The following EIF4G3 variants were observed in gnomAD, a reference collection of about 807,000 sequenced individuals.
The protein encoded by EIF4G3 is eIF-4-gamma 3.
Under a neutral mutation model 186.4 loss-of-function variants are expected in EIF4G3, and 34 were observed. That is an observed-to-expected ratio of 0.18 (90% CI 0.14 to 0.24). The LOEUF is 0.24. Ranked by LOEUF, EIF4G3 falls within the 10% of genes least tolerant of loss-of-function variation. EIF4G3 has a pLI of 1.00. For missense variants in EIF4G3, 1,536 were observed against 1,948.5 expected (o/e 0.79, Z 3.99); for synonymous variants, 673 against 679.5 (o/e 0.99, Z 0.15).
At chr1:20,923,790 CTCT>C (rs1302072295) in intron 14 of EIF4G3, among the ~76,000 whole-genome samples, 1 of 144,480 alleles carries the variant, frequency 6.9e-6, no homozygotes, top group Non-Finnish European at 1.5e-5. Flanking sequence ...CCTCCCTCCT[CTCT>C]TCACCTTACC....
At chr1:20,938,279 G>A (rs2095584957) in intron 14 of EIF4G3, among the ~76,000 whole-genome samples, 1 of 152,190 alleles carries the variant, frequency 6.6e-6, no homozygotes, top group African/African-American at 2.4e-5. Flanking sequence ...ACAGGCATGA[G>A]CCACCGCGCC....
intron 11 of EIF4G3, among the ~76,000 whole-genome samples, chr1:20,971,682 A>C (rs534917339): frequency 2.7e-4 from 41 of 152,340 alleles, no homozygotes; most frequent in Admixed American, 6.5e-4. Flanking sequence ...ACTGTTGCCC[A>C]GGCTGGAGTG....
At chr1:20,905,842 A>G (rs552517134) in intron 14 of EIF4G3, among the ~76,000 whole-genome samples, 1 of 152,306 alleles carries the variant, frequency 6.6e-6, no homozygotes, top group East Asian at 1.9e-4. Flanking sequence ...TTAATAGGGA[A>G]CATTACCAAA....
chr1:21,113,822 C>T (rs933572853), intron 2 of EIF4G3, among the ~76,000 whole-genome samples: 1 of 152,134 alleles, frequency 6.6e-6, no homozygotes, highest in Non-Finnish European at 1.5e-5. Context: ...TGAGACTATC[C>T]TGAGCAACAT....
intron 29 of EIF4G3, among the ~76,000 whole-genome samples, chr1:20,846,396 C>G (rs978149518): frequency 2.0e-5 from 3 of 152,174 alleles, no homozygotes; most frequent in African/African-American, 4.8e-5. Context: ...TCATTATACT[C>G]ACAGTGTCAT....
chr1:21,076,130 C>A (rs1304428479), intron 3 of EIF4G3, among the ~76,000 whole-genome samples: 3 of 152,056 alleles, frequency 2.0e-5, no homozygotes. Flanking sequence ...GAAATAAAAT[C>A]ATACCAAGTA....
Position 21,151,236 on chromosome 1 carries a change from C to CTTTTTTTTTTT in EIF4G3, c.-272+24928_-272+24938dup, listed in dbSNP as rs71014161. On this transcript the variant is annotated intron_variant, in intron 2 of 36. Transcript: ENST00000602326. ...TTTAATGGTTATATAGTATTTCTTT[C>CTTTTTTTTTTT]TTTTTTTTTTTTTTTTTTTTGAGAT... 8.4e-3 allele frequency among the ~76,000 whole-genome samples: 672 copies of CTTTTTTTTTTT among 80,416 alleles called. 62 individuals are homozygous for CTTTTTTTTTTT. Among genetic ancestry groups the CTTTTTTTTTTT allele is most frequent in the East Asian group, 0.017 (39 of 2,242 alleles). 52.8% of individuals were successfully genotyped at this position (80,416 alleles called of 152,430 possible). A position where few individuals can be genotyped will look rare whatever the true frequency, so the allele number is the denominator to read the frequency against.
intron 4 of EIF4G3, among the ~76,000 whole-genome samples, chr1:21,006,475 GTA>G (rs2085119893): frequency 2.6e-5 from 4 of 152,146 alleles, no homozygotes; most frequent in African/African-American, 9.7e-5. Flanking sequence ...CTGCAATCCA[GTA>G]TACTGTCCAA....
intron 4 of EIF4G3, among the ~76,000 whole-genome samples, chr1:21,029,079 G>A (rs750801763): frequency 4.0e-5 from 6 of 151,838 alleles, no homozygotes; most frequent in Non-Finnish European, 5.9e-5. Context: ...GTACAGTGGC[G>A]TGATCCCGGC....
chr1:20,854,935 T>A, intron 26 of EIF4G3, 43 bp downstream of exon 26: 1 of 1,551,888 alleles, frequency 6.4e-7, no homozygotes, highest in Non-Finnish European at 8.9e-7. Context: ...AGGCAAATGC[T>A]AACAAGCCAC....
At chr1:21,052,772 G>T (rs1462635305) in intron 3 of EIF4G3, among the ~76,000 whole-genome samples, 2 of 151,976 alleles carry the variant, frequency 1.3e-5, no homozygotes, top group African/African-American at 4.8e-5. Flanking sequence ...TGGTGGAGAC[G>T]GGGTTTCGCT....
At chr1:21,139,669 T>C (rs1482633025) in intron 2 of EIF4G3, among the ~76,000 whole-genome samples, 1 of 152,176 alleles carries the variant, frequency 6.6e-6, no homozygotes, top group Non-Finnish European at 1.5e-5. Context: ...TATCTAAAAC[T>C]AAAGCTGCAA....
chr1:21,117,389 CAA>C lies in EIF4G3; in HGVS notation c.-271-28178_-271-28177del, dbSNP rs1465775964. Among the ~76,000 whole-genome samples the C allele has an allele frequency of 1.2e-4, 18 of 152,060 alleles. No individual in the cohort carries two copies. In the South Asian group the frequency reaches 2.7e-3, roughly 23 times the overall value. On this transcript the variant is annotated intron_variant, in intron 2 of 36. Transcript: ENST00000602326. ...TATTTTGACTGTACTTTTTAAATGA[CAA>C]AGAGTAATTTCAACAAAACCAAATG...
intron 14 of EIF4G3, among the ~76,000 whole-genome samples, chr1:20,912,857 C>A (rs2093411701): frequency 6.6e-6 from 1 of 152,200 alleles, no homozygotes; most frequent in African/African-American, 2.4e-5. Context: ...CAAATCACCA[C>A]CTCTTTTCCT....
chr1:20,813,903 T>C (rs922916959), intron 34 of EIF4G3, among the ~76,000 whole-genome samples: 3 of 149,962 alleles, frequency 2.0e-5, no homozygotes, highest in South Asian at 4.2e-4. Context: ...AAATGATCTC[T>C]TGAACATCAG....
Position 20,823,271 on chromosome 1 carries a change from T to A in EIF4G3, c.4368+1829A>T, listed in dbSNP as rs561586522. ...GCTAATTTTCCTTCTGGGACTCCAA[T>A]TAGATAGGTTAGATGTTCTCTCATT... On this transcript the variant is annotated intron_variant, in intron 33 of 36. Transcript: ENST00000602326. 2.0e-5 allele frequency among the ~76,000 whole-genome samples: 3 copies of A among 152,314 alleles called. No individual in the cohort carries two copies. The East Asian group carries it at 5.8e-4, about 29-fold the overall frequency.
intron 4 of EIF4G3, among the ~76,000 whole-genome samples, chr1:21,025,103 A>G (rs139999948): frequency 6.6e-6 from 1 of 152,318 alleles, no homozygotes; most frequent in African/African-American, 2.4e-5. Flanking sequence ...TATTTTAAAC[A>G]GAAGCACAAA....
At chr1:21,165,717 T>C (rs888222754) in intron 2 of EIF4G3, among the ~76,000 whole-genome samples, 1 of 152,036 alleles carries the variant, frequency 6.6e-6, no homozygotes, top group Non-Finnish European at 1.5e-5. Flanking sequence ...ACAGGTTCCT[T>C]TGGGGAGTGA....
At chr1:21,172,703 C>A (rs1347818604) in intron 2 of EIF4G3, among the ~76,000 whole-genome samples, 1 of 151,984 alleles carries the variant, frequency 6.6e-6, no homozygotes, top group Non-Finnish European at 1.5e-5. Context: ...CGCCTGCCAC[C>A]ACGCCTGGCT....
Sources: allele counts gnomAD v4.1 joint callset (sites outside exome capture counted in the v4.1 genomes callset), GRCh38; gene constraint gnomAD v4.1.1; transcripts MANE v1.5; gene names NCBI Gene and HGNC (gene_info 2026-07-23, HGNC 2026-07-21).